MED15: variants seen among roughly 807,000 people sequenced by gnomAD.
MED15 encodes mediator complex subunit 15.
MED15 carries 41 observed loss-of-function variants against 118.7 expected under a neutral mutation model. The observed-to-expected ratio is 0.35, with a 90% CI of 0.27 to 0.45. The LOEUF (loss-of-function observed/expected upper bound fraction) is 0.45. Ranked by LOEUF, MED15 falls within the 20% of genes least tolerant of loss-of-function variation. The pLI, the probability that MED15 is intolerant of heterozygous loss-of-function variation, is 1.00. For synonymous variants in MED15, 436 were observed against 413.9 expected, an observed-to-expected ratio of 1.05 and a Z score of -0.65; for missense variants, 740 against 1,025.5, an observed-to-expected ratio of 0.72 and a Z score of 3.80.
Position 20,585,715 on chromosome 22 carries a change from T to C in MED15, c.2132-13T>C. On this transcript the variant is annotated splice_polypyrimidine_tract_variant and intron_variant, in intron 16 of 17. Transcript: ENST00000263205. ...GCTTGTCCAGGTCACAGATAGAGCCTTCTGTGTTGCAGATGACAAGGACCT... is the reference window on the plus strand; with the variant it reads ...GCTTGTCCAGGTCACAGATAGAGCCCTCTGTGTTGCAGATGACAAGGACCT... 6.2e-7 allele frequency: 1 copy of C among 1,610,692 alleles called. No individual in the cohort carries two copies. The highest frequency in any genetic ancestry group is 1.1e-5 in the South Asian group (1 of 91,028).
intron 1 of MED15, among the ~76,000 whole-genome samples, 185 bp from the exon 2 acceptor site, chr22:20,536,932 G>T (rs1024501075): frequency 2.0e-5 from 3 of 152,124 alleles, no homozygotes; most frequent in Non-Finnish European, 2.9e-5. Flanking sequence ...CCTGCTCAGT[G>T]GCCTGTCATT....
chr22:20,582,171 G>T (rs905787016), intron 9 of MED15: 2 of 229,708 alleles, frequency 8.7e-6, no homozygotes, highest in Non-Finnish European at 1.7e-5. Context: ...GGCTGCGGGG[G>T]CTTGTGGAAG....
chr22:20,543,922 T>C (rs2055423133), intron 2 of MED15, among the ~76,000 whole-genome samples: 2 of 152,362 alleles, frequency 1.3e-5, no homozygotes, highest in South Asian at 2.1e-4. Flanking sequence ...TTATTGCTTA[T>C]GATTCTGCCT....
chr22:20,516,380 G>C (rs2054258991), intron 1 of MED15, among the ~76,000 whole-genome samples: 1 of 152,046 alleles, frequency 6.6e-6, no homozygotes, highest in Admixed American at 6.6e-5. Context: ...AACCACAGCA[G>C]GACAAGACAG....
At chr22:20,520,416 C>T (rs950532878) in intron 1 of MED15, among the ~76,000 whole-genome samples, 4 of 152,220 alleles carry the variant, frequency 2.6e-5, no homozygotes, top group Non-Finnish European at 5.9e-5. Context: ...GGTCACCATA[C>T]GTCCTGCAAG....
At chr22:20,537,037 A>G (rs1170527830) in intron 1 of MED15, 80 bp from the exon 2 acceptor site, 2 of 1,333,750 alleles carry the variant, frequency 1.5e-6, no homozygotes, top group Non-Finnish European at 2.1e-6. Context: ...GGCAGCTGCT[A>G]TGCAGGGCCT....
In MED15 at chr22:20,586,662, C is replaced by T. The variant is rs1482387873; in HGVS notation, c.2325C>T (p.Thr775=). ...ACTCGGTCACCGCCTTGCTCAACACCTGGGCCCAGAGCGTCCACCAGGCCT... is the reference window on the plus strand; with the variant it reads ...ACTCGGTCACCGCCTTGCTCAACACTTGGGCCCAGAGCGTCCACCAGGCCT... ...DKHSVTALLN[T]WAQSVHQACL... Residue 775 remains threonine, a synonymous_variant, in exon 18 of 18, where the codon ACC becomes ACT. Coordinates refer to ENST00000263205, the MANE Select transcript of MED15 (RefSeq NM_001003891.3). 1 of 1,612,960 alleles carries T rather than the reference C, an allele frequency of 6.2e-7. No homozygotes were observed. Among genetic ancestry groups the T allele is most frequent in the Admixed American group, 1.7e-5 (1 of 60,026 alleles).
At chr22:20,546,838 T>C (rs2055562645) in intron 2 of MED15, among the ~76,000 whole-genome samples, 1 of 152,198 alleles carries the variant, frequency 6.6e-6, no homozygotes, top group Non-Finnish European at 1.5e-5. Flanking sequence ...CCAGATTGGC[T>C]GCTCCTCTAG....
intron 3 of MED15, 150 bp downstream of exon 3, chr22:20,551,637 T>C (rs2055779729): frequency 1.3e-6 from 1 of 753,154 alleles, no homozygotes; most frequent in Non-Finnish European, 2.3e-6. Flanking sequence ...CTTCACTGCC[T>C]TGCATTTGAC....
chr22:20,566,149 C>T (rs181240872), intron 6 of MED15, among the ~76,000 whole-genome samples: 3 of 151,274 alleles, frequency 2.0e-5, no homozygotes, highest in Non-Finnish European at 4.4e-5. Flanking sequence ...AAGTGATTCT[C>T]CTGCCTCAGC....
chr22:20,578,089 T>C (rs2056875563), intron 9 of MED15, among the ~76,000 whole-genome samples: 1 of 152,110 alleles, frequency 6.6e-6, no homozygotes, highest in Non-Finnish European at 1.5e-5. Flanking sequence ...CACATCTGGC[T>C]AATTTTTGTA....
At chr22:20,553,234 A>G (rs2055858821) in intron 4 of MED15, 60 bp downstream of exon 4, 1 of 1,523,436 alleles carries the variant, frequency 6.6e-7, no homozygotes, top group Non-Finnish European at 9.1e-7. Context: ...GGTGGCAAGA[A>G]TGACATAGTG....
At chr22:20,515,449 G>A (rs1569166653) in intron 1 of MED15, among the ~76,000 whole-genome samples, 3 of 124,212 alleles carry the variant, frequency 2.4e-5, no homozygotes, top group Admixed American at 1.8e-4. Flanking sequence ...TAACACTAAT[G>A]ATAGCTGACG....
intron 2 of MED15, among the ~76,000 whole-genome samples, chr22:20,542,180 T>C (rs1425743017): frequency 6.6e-6 from 1 of 152,200 alleles, no homozygotes; most frequent in Admixed American, 6.5e-5. Flanking sequence ...AAAAATTGAA[T>C]GTAGAGTTAC....
chr22:20,520,169 C>T (rs1164761850), intron 1 of MED15, among the ~76,000 whole-genome samples: 2 of 152,210 alleles, frequency 1.3e-5, no homozygotes, highest in Admixed American at 1.3e-4. Context: ...CTACGTACCC[C>T]TTGCTTCTTC....
intron 1 of MED15, among the ~76,000 whole-genome samples, chr22:20,531,943 TAGTAGGTCATCATCC>T (rs2054879399): frequency 6.6e-6 from 1 of 152,106 alleles, no homozygotes; most frequent in Non-Finnish European, 1.5e-5. Context: ...ATGTGCCAGG[TAGTAGGTCATCATCC>T]CTGGGGCCCT....
At chr22:20,528,832 C>T (rs1028150496) in intron 1 of MED15, among the ~76,000 whole-genome samples, 4 of 152,198 alleles carry the variant, frequency 2.6e-5, no homozygotes, top group African/African-American at 9.7e-5. Context: ...GTGGGTTGGC[C>T]CCCTAGTCCA....
chr22:20,583,457 C>T (rs548183006), intron 13 of MED15, 64 bp downstream of exon 13: 1 of 1,582,146 alleles, frequency 6.3e-7, no homozygotes, highest in African/African-American at 1.3e-5. Flanking sequence ...CATGGATGGG[C>T]ACTTGGTGAT....
chr22:20,583,142 G>T lies in MED15; in HGVS notation c.1567G>T (p.Gly523Cys), dbSNP rs370754885. 57 of 1,605,560 alleles carry T rather than the reference G, an allele frequency of 3.6e-5. No individual in the cohort carries two copies. Among genetic ancestry groups the T allele is most frequent in the Admixed American group, 1.0e-4 (6 of 59,794 alleles). The change falls in exon 12 of 18, where the codon GGC becomes TGC. Residue 523 changes from glycine (G) to cysteine (C), a missense_variant. By Grantham distance (159) the Gly-to-Cys change is radical. Coordinates refer to ENST00000263205, the MANE Select transcript of MED15 (RefSeq NM_001003891.3). ...VNPSSVMSPA[G>C]SSQAEEQQYL... ...CCCCAGCTCTGTCATGAGCCCAGCT[G>T]GCTCCAGCCAGGCTGAGGAGCAGCA...
Sources: allele counts gnomAD v4.1 joint callset (sites outside exome capture counted in the v4.1 genomes callset), GRCh38; gene constraint gnomAD v4.1.1; transcripts MANE v1.5; gene names NCBI Gene and HGNC (gene_info 2026-07-23, HGNC 2026-07-21).